DPP10: variants seen among roughly 807,000 people sequenced by gnomAD.
The protein encoded by DPP10 is dipeptidyl peptidase like 10.
A neutral mutation model predicts 120.9 loss-of-function variants in DPP10; 33 were observed. The observed-to-expected ratio is 0.27, with a 90% CI of 0.21 to 0.37. The LOEUF is 0.37. Ranked by LOEUF, DPP10 falls within the 10% of genes least tolerant of loss-of-function variation. DPP10 has a pLI of 1.00. For missense variants in DPP10, 816 were observed against 942.8 expected, an observed-to-expected ratio of 0.87 and a Z score of 1.76; for synonymous variants, 337 against 326.1, an observed-to-expected ratio of 1.03 and a Z score of -0.36.
At chr2:115,766,847 C>G (rs1227835388) in intron 12 of DPP10, among the ~76,000 whole-genome samples, 1 of 152,142 alleles carries the variant, frequency 6.6e-6, no homozygotes, top group African/African-American at 2.4e-5. Flanking sequence ...CTTGTAATAA[C>G]TCATTCACTC....
chr2:114,657,721 T>C (rs1490705742), intron 1 of DPP10, among the ~76,000 whole-genome samples: 1 of 152,202 alleles, frequency 6.6e-6, no homozygotes, highest in Non-Finnish European at 1.5e-5. Context: ...TGTAGTAGCA[T>C]ACGTGAAAAA....
intron 3 of DPP10, among the ~76,000 whole-genome samples, chr2:115,498,776 G>A (rs781425857): frequency 5.3e-5 from 8 of 150,160 alleles, no homozygotes; most frequent in Non-Finnish European, 1.2e-4. Flanking sequence ...TACCTCGTTA[G>A]TAATTTCAGG....
intron 3 of DPP10, among the ~76,000 whole-genome samples, chr2:115,379,998 G>C (rs975662795): frequency 2.6e-5 from 4 of 152,150 alleles, no homozygotes; most frequent in African/African-American, 9.7e-5. Context: ...TGGAATCGGT[G>C]TGGTGTGGTG....
intron 1 of DPP10, among the ~76,000 whole-genome samples, chr2:114,570,307 A>G (rs1226629551): frequency 6.6e-6 from 1 of 152,178 alleles, no homozygotes; most frequent in African/African-American, 2.4e-5. Context: ...CCTGGAGTGT[A>G]GTCTGGGTAC....
intron 1 of DPP10, among the ~76,000 whole-genome samples, chr2:115,261,127 AAACAACAACAAG>A (rs1342641124): frequency 6.6e-6 from 1 of 152,192 alleles, no homozygotes; most frequent in African/African-American, 2.4e-5. Context: ...GCTGAAGAAA[AAACAACAACAAG>A]AACAACAACA....
intron 3 of DPP10, among the ~76,000 whole-genome samples, chr2:115,394,596 T>C (rs907528207): frequency 1.3e-5 from 2 of 152,118 alleles, no homozygotes; most frequent in Admixed American, 6.5e-5. Context: ...AATTTTCTAT[T>C]ATGAGAGCGA....
chr2:114,953,023 G>T (rs1222621193), intron 1 of DPP10, among the ~76,000 whole-genome samples: 5 of 148,320 alleles, frequency 3.4e-5, no homozygotes, highest in Non-Finnish European at 6.0e-5. Flanking sequence ...TTGTTAATTT[G>T]TCCTATGTGT....
chr2:115,451,865 A>G (rs975259361), intron 3 of DPP10, among the ~76,000 whole-genome samples: 1 of 151,396 alleles, frequency 6.6e-6, no homozygotes, highest in African/African-American at 2.4e-5. Context: ...TATAGGAGAG[A>G]AAGAATGTGT....
intron 5 of DPP10, among the ~76,000 whole-genome samples, chr2:115,556,579 A>G (rs1374101016): frequency 6.6e-6 from 1 of 152,110 alleles, no homozygotes; most frequent in Non-Finnish European, 1.5e-5. Flanking sequence ...CAGCAGAAAC[A>G]GTGCTATTAG....
chr2:115,822,526 T>C (rs940976897), intron 21 of DPP10, among the ~76,000 whole-genome samples: 4 of 152,048 alleles, frequency 2.6e-5, no homozygotes, highest in Non-Finnish European at 5.9e-5. Context: ...GTATCAAATC[T>C]ATAAATCACC....
At chr2:115,765,680 C>T (rs1035264971) in intron 12 of DPP10, among the ~76,000 whole-genome samples, 13 of 151,776 alleles carry the variant, frequency 8.6e-5, no homozygotes, top group African/African-American at 1.5e-4. Context: ...AAAAGGAAGA[C>T]GAAAAAGTTG....
intron 5 of DPP10, among the ~76,000 whole-genome samples, chr2:115,653,631 A>G (rs1053512532): frequency 2.0e-5 from 3 of 151,944 alleles, no homozygotes; most frequent in African/African-American, 4.8e-5. Flanking sequence ...CACAATGTGT[A>G]TGTTCTTTCT....
At chr2:115,754,939 A>G (rs893638030) in intron 11 of DPP10, among the ~76,000 whole-genome samples, 1 of 152,112 alleles carries the variant, frequency 6.6e-6, no homozygotes, top group Admixed American at 6.6e-5. Flanking sequence ...ATGTATCAAT[A>G]AAAAATTAAA....
intron 5 of DPP10, among the ~76,000 whole-genome samples, chr2:115,671,225 G>A (rs2089847955): frequency 6.6e-6 from 1 of 151,796 alleles, no homozygotes; most frequent in South Asian, 2.1e-4. Flanking sequence ...GGGTAAATGA[G>A]TAAGAAAAAT....
At chr2:115,162,773 GT>G (rs2052523094) in intron 1 of DPP10, among the ~76,000 whole-genome samples, 1 of 152,042 alleles carries the variant, frequency 6.6e-6, no homozygotes, top group Non-Finnish European at 1.5e-5. Context: ...ACCCCTTTTT[GT>G]TTTGGTCTTT....
At chr2:115,248,642 A>T (rs2105643403) in intron 1 of DPP10, among the ~76,000 whole-genome samples, 1 of 152,214 alleles carries the variant, frequency 6.6e-6, no homozygotes, top group African/African-American at 2.4e-5. Flanking sequence ...TGAATAAGGG[A>T]GGGAGATGGG....
intron 1 of DPP10, among the ~76,000 whole-genome samples, chr2:114,494,392 G>A (rs1485463698): frequency 6.6e-6 from 1 of 152,172 alleles, no homozygotes; most frequent in Non-Finnish European, 1.5e-5. Context: ...TCACTGAGGA[G>A]ATGAAACTCA....
At chr2:115,007,750 T>A (rs564966953) in intron 1 of DPP10, among the ~76,000 whole-genome samples, 28 of 151,186 alleles carry the variant, frequency 1.9e-4, no homozygotes, top group African/African-American at 6.3e-4. Flanking sequence ...AAAATCAATG[T>A]GCAAAAATCA....
intron 1 of DPP10, among the ~76,000 whole-genome samples, chr2:115,049,783 A>G (rs4849375): frequency 0.97 from 147,367 of 152,252 alleles, 71,524 homozygotes; most frequent in Middle Eastern, 1. Flanking sequence ...TTTAGTTCTC[A>G]TGGTTCCCTT....
Sources: allele counts gnomAD v4.1 joint callset (sites outside exome capture counted in the v4.1 genomes callset), GRCh38; gene constraint gnomAD v4.1.1; transcripts MANE v1.5; gene names NCBI Gene and HGNC (gene_info 2026-07-23, HGNC 2026-07-21).